The following ARIH1 variants were observed in gnomAD, a reference collection of about 807,000 sequenced individuals.
The protein encoded by ARIH1 is E3 ubiquitin-protein ligase ARIH1.
A neutral mutation model predicts 85.0 loss-of-function variants in ARIH1; 8 were observed. The observed-to-expected ratio is 0.09, with a 90% CI of 0.06 to 0.17. ARIH1 has a LOEUF of 0.17. ARIH1 is among the 10% of genes least tolerant of loss of function. The pLI, the probability that ARIH1 is intolerant of heterozygous loss-of-function variation, is 1.00. For missense variants in ARIH1, 311 were observed against 718.1 expected (o/e 0.43, Z 6.48); for synonymous variants, 238 against 253.6 (o/e 0.94, Z 0.59).
chr15:72,578,188 G>A (rs2064280076), intron 11 of ARIH1, among the ~76,000 whole-genome samples: 1 of 152,042 alleles, frequency 6.6e-6, no homozygotes, highest in African/African-American at 2.4e-5. Flanking sequence ...AGTCTCTTTC[G>A]TGATTTCCTT....
In ARIH1 at chr15:72,591,260, T is replaced by TA. The variant is rs1431702544; in HGVS notation, c.*7969dup. The TA allele has an allele frequency of 1.7e-5, 2 of 120,526 alleles. No individual in the cohort carries two copies. Among genetic ancestry groups the TA allele is most frequent in the Non-Finnish European group, 3.7e-5 (2 of 54,732 alleles). The allele number at this position is 120,526 out of a possible 1,614,324, so 7.5% of individuals were successfully genotyped here. A position where few individuals can be genotyped will look rare whatever the true frequency, so the allele number is the denominator to read the frequency against. The stretch of plus-strand genomic sequence containing the variant: ...AAAAAAAAAGAAGAAGAAGAAGAAA[T>TA]ACAAAACCAACTCTTTATAGTAGAC... On this transcript the variant is annotated 3_prime_UTR_variant, in exon 14 of 14. Transcript: ENST00000379887.
In ARIH1 at chr15:72,583,194, C is replaced by A. The variant is rs777931780; in HGVS notation, c.1590-14C>A. ...GCTGACAACAAGTTTTTTTTTTTTTCTCTTTGATTACAGATACTGTGAGAG... is the reference window on the plus strand; with the variant it reads ...GCTGACAACAAGTTTTTTTTTTTTTATCTTTGATTACAGATACTGTGAGAG... On this transcript the variant is annotated splice_polypyrimidine_tract_variant and intron_variant, in intron 13 of 13. Transcript: ENST00000379887. 6 of 1,361,190 alleles carry A rather than the reference C, an allele frequency of 4.4e-6. No homozygotes were observed. Among genetic ancestry groups the A allele is most frequent in the Non-Finnish European group, 5.8e-6 (6 of 1,026,560 alleles). 84.3% of individuals were successfully genotyped at this position (1,361,190 alleles called of 1,614,324 possible). A position where few individuals can be genotyped will look rare whatever the true frequency, so the allele number is the denominator to read the frequency against.
intron 8 of ARIH1, 91 bp downstream of exon 8, chr15:72,566,696 C>G: frequency 1.8e-6 from 2 of 1,127,806 alleles, no homozygotes; most frequent in East Asian, 2.5e-5. Context: ...TGTTATCTAT[C>G]TATTGATAGA....
Position 72,600,583 on chromosome 15 carries a change from A to G in ARIH1, c.*17291A>G, listed in dbSNP as rs530431355. On this transcript the variant is annotated 3_prime_UTR_variant, in exon 14 of 14. Coordinates refer to ENST00000379887, the MANE Select transcript of ARIH1 (RefSeq NM_005744.5). ...ATTTTTTGTAGAGACGGGTCTCACTATGTTGCTCAGGCTGGTATTGAACTC... is the reference window on the plus strand; with the variant it reads ...ATTTTTTGTAGAGACGGGTCTCACTGTGTTGCTCAGGCTGGTATTGAACTC... 4 of 152,240 alleles carry G rather than the reference A, an allele frequency of 2.6e-5. No homozygotes were observed. Among genetic ancestry groups the G allele is most frequent in the East Asian group, 1.9e-4 (1 of 5,176 alleles). The allele number at this position is 152,240 out of a possible 1,614,324, so 9.4% of individuals were successfully genotyped here. A position where few individuals can be genotyped will look rare whatever the true frequency, so the allele number is the denominator to read the frequency against.
rs1482006613 is a variant in ARIH1, at chr15:72,602,681, A to T, written c.*19389A>T. On this transcript the variant is annotated 3_prime_UTR_variant, in exon 14 of 14. Coordinates refer to ENST00000379887, the MANE Select transcript of ARIH1 (RefSeq NM_005744.5). ...AGTGTGAGGCCTTTCATGCTCTGAA[A>T]TGTACCACTCTTGACTGACTTTTTC... 6.6e-6 allele frequency: 1 copy of T among 152,206 alleles called. No individual in the cohort carries two copies. Among genetic ancestry groups the T allele is most frequent in the African/African-American group, 2.4e-5 (1 of 41,438 alleles). 9.4% of individuals were successfully genotyped at this position (152,206 alleles called of 1,614,324 possible). A position where few individuals can be genotyped will look rare whatever the true frequency, so the allele number is the denominator to read the frequency against.
At chr15:72,488,011 C>CT (rs2063844028) in intron 1 of ARIH1, among the ~76,000 whole-genome samples, 1 of 152,004 alleles carries the variant, frequency 6.6e-6, no homozygotes, top group South Asian at 2.1e-4. Context: ...TGTCCCTCTT[C>CT]TTTTGATACC....
intron 1 of ARIH1, among the ~76,000 whole-genome samples, chr15:72,495,020 G>A (rs901291854): frequency 3.1e-4 from 47 of 152,286 alleles, no homozygotes; most frequent in Middle Eastern, 3.4e-3. Context: ...TTGGTGAATA[G>A]TTAATAGTTG....
rs2064369489 is a variant in ARIH1, at chr15:72,598,028, C to T, written c.*14736C>T. On this transcript the variant is annotated 3_prime_UTR_variant, in exon 14 of 14. Transcript: ENST00000379887. ...GGAGTACAGCCTGTAGTGATCTCAG[C>T]TCACTACAACCTCTGCCTTCCTGGC... 6.6e-6 allele frequency: 1 copy of T among 152,268 alleles called. No homozygotes were observed. The highest frequency in any genetic ancestry group is 1.5e-5 in the Non-Finnish European group (1 of 68,128). 9.4% of individuals were successfully genotyped at this position (152,268 alleles called of 1,614,324 possible). A position where few individuals can be genotyped will look rare whatever the true frequency, so the allele number is the denominator to read the frequency against.
At chr15:72,566,365 G>T in intron 7 of ARIH1, 198 bp from the exon 8 acceptor site, 1 of 559,126 alleles carries the variant, frequency 1.8e-6, no homozygotes, top group Non-Finnish European at 3.2e-6. Flanking sequence ...CACATATTGA[G>T]TACCCACTAT....
At chr15:72,550,954 G>C (rs1251331723) in intron 3 of ARIH1, among the ~76,000 whole-genome samples, 1 of 152,138 alleles carries the variant, frequency 6.6e-6, no homozygotes, top group Non-Finnish European at 1.5e-5. Flanking sequence ...TTACAGGCAC[G>C]AGCCACTGTA....
chr15:72,509,491 A>G (rs2063941008), intron 1 of ARIH1, among the ~76,000 whole-genome samples: 3 of 151,874 alleles, frequency 2.0e-5, no homozygotes, highest in South Asian at 2.1e-4. Flanking sequence ...TCACCCCTCA[A>G]ATTTCTTTCT....
chr15:72,486,394 C>T (rs1024828181), intron 1 of ARIH1, among the ~76,000 whole-genome samples: 5 of 152,118 alleles, frequency 3.3e-5, no homozygotes, highest in African/African-American at 7.2e-5. Context: ...CTACTGGCCT[C>T]GGCTGGTCAC....
intron 1 of ARIH1, among the ~76,000 whole-genome samples, chr15:72,489,679 A>G (rs1191023440): frequency 6.6e-6 from 1 of 152,178 alleles, no homozygotes; most frequent in Admixed American, 6.5e-5. Context: ...TGTGCTTTTG[A>G]CTTGTGAGCT....
At chr15:72,529,816 T>C (rs2064047784) in intron 2 of ARIH1, among the ~76,000 whole-genome samples, 1 of 152,144 alleles carries the variant, frequency 6.6e-6, no homozygotes, top group African/African-American at 2.4e-5. Context: ...TGAGATTGAA[T>C]GTCTGGAGTA....
At position 72,583,944 on chromosome 15, in the gene ARIH1, G is replaced by A. The variant is rs866402408; in HGVS notation, c.*652G>A. 4 of 152,246 alleles carry A rather than the reference G, an allele frequency of 2.6e-5. No homozygotes were observed. Among genetic ancestry groups the A allele is most frequent in the Admixed American group, 6.5e-5 (1 of 15,290 alleles). The allele number at this position is 152,246 out of a possible 1,614,324, so 9.4% of individuals were successfully genotyped here. A position where few individuals can be genotyped will look rare whatever the true frequency, so the allele number is the denominator to read the frequency against. ...GCGCATATGCATGGACAAAGCAAGCGTGGCACGTGTTTGCATAATGTTTAA... is the reference window on the plus strand; with the variant it reads ...GCGCATATGCATGGACAAAGCAAGCATGGCACGTGTTTGCATAATGTTTAA... On this transcript the variant is annotated 3_prime_UTR_variant, in exon 14 of 14. Transcript: ENST00000379887.
Position 72,594,768 on chromosome 15 carries a change from AAAT to A in ARIH1, c.*11480_*11482del, listed in dbSNP as rs1361992473. On this transcript the variant is annotated 3_prime_UTR_variant, in exon 14 of 14. Transcript: ENST00000379887. ...ATAGATACACAACAGTGTAGTCTGCAAATAATGTTTTTACTTCTTTTTCTGATT... is the reference window on the plus strand; with the variant it reads ...ATAGATACACAACAGTGTAGTCTGCAAATGTTTTTACTTCTTTTTCTGATT... The A allele has an allele frequency of 8.1e-5, 12 of 148,020 alleles. No homozygotes were observed. The highest frequency in any genetic ancestry group is 3.1e-4 in the African/African-American group (12 of 39,164). 9.2% of individuals were successfully genotyped at this position (148,020 alleles called of 1,614,324 possible).
intron 3 of ARIH1, among the ~76,000 whole-genome samples, chr15:72,550,837 A>G (rs564858907): frequency 2.8e-4 from 43 of 152,130 alleles, no homozygotes; most frequent in Admixed American, 5.9e-4. Context: ...ATGCCCAGCT[A>G]ACTTTTGTAG....
chr15:72,482,746 A>T (rs1221756839), intron 1 of ARIH1, among the ~76,000 whole-genome samples: 2 of 152,062 alleles, frequency 1.3e-5, no homozygotes, highest in Non-Finnish European at 2.9e-5. Flanking sequence ...TGTGAGTCAC[A>T]ATTCTGGATG....
rs2063982585 is a variant in ARIH1 at position 72,517,954 on chromosome 15, G to A, written c.376-113G>A. On this transcript the variant is annotated intron_variant, in intron 1 of 13. Transcript: ENST00000379887. ...TTAGAGGAATAAAGAAATAACTCTA[G>A]GGATGGAAATTTGGGTGGAGTATTG... 5.9e-6 allele frequency: 4 copies of A among 680,236 alleles called. No homozygotes were observed. The Admixed American group carries it at 8.4e-5, about 14-fold the overall frequency. The allele number at this position is 680,236 out of a possible 1,614,324, so 42.1% of individuals were successfully genotyped here.
Sources: allele counts gnomAD v4.1 joint callset (sites outside exome capture counted in the v4.1 genomes callset), GRCh38; gene constraint gnomAD v4.1.1; transcripts MANE v1.5; gene names NCBI Gene and HGNC (gene_info 2026-07-23, HGNC 2026-07-21).